The following BRMS1 variants were observed in gnomAD, a reference collection of about 807,000 sequenced individuals.
The protein encoded by BRMS1 is breast cancer metastasis-suppressor 1.
BRMS1 carries 26 observed loss-of-function variants against 40.4 expected under a neutral mutation model. The observed-to-expected ratio is 0.64, with a 90% CI of 0.47 to 0.89. The LOEUF is 0.89. BRMS1 is among the 40% of genes least tolerant of loss of function. BRMS1 has a pLI of 0.00. For synonymous variants in BRMS1, 103 were observed against 116.0 expected, an observed-to-expected ratio of 0.89 and a Z score of 0.72; for missense variants, 289 against 309.4, an observed-to-expected ratio of 0.93 and a Z score of 0.49.
intron 8 of BRMS1, 176 bp from the exon 9 acceptor site, chr11:66,338,458 C>A: frequency 6.6e-7 from 1 of 1,510,086 alleles, no homozygotes; most frequent in South Asian, 1.3e-5. Context: ...GCCAGCTCAG[C>A]GGCTCTCCCG....
rs769263266 is a variant in BRMS1 at position 66,341,490 on chromosome 11, C to A, written c.230+43G>T. On this transcript the variant is annotated intron_variant, in intron 3 of 9. Transcript: ENST00000359957. The surrounding 1 kb of genome is among the most constrained non-coding windows in gnomAD (Gnocchi z 4.9). ...AGTACCAGGCCCACCACCTCCTCAT[C>A]CCAGATCCTCGCAGACCCAGCCCAA... is the stretch of plus-strand genomic sequence containing the variant. 26 of 1,609,318 alleles carry A rather than the reference C, an allele frequency of 1.6e-5. No homozygotes were observed. Among genetic ancestry groups the A allele is most frequent in the Non-Finnish European group, 2.2e-5 (26 of 1,176,096 alleles).
At chr11:66,339,215 C>T (rs1205850446) in intron 7 of BRMS1, among the ~76,000 whole-genome samples, 1 of 152,206 alleles carries the variant, frequency 6.6e-6, no homozygotes, top group Non-Finnish European at 1.5e-5. Context: ...CAGATTCCTC[C>T]CTCCCTGCCT....
At chr11:66,340,308 A>C in intron 6 of BRMS1, 95 bp from the exon 7 acceptor site, 1 of 1,081,988 alleles carries the variant, frequency 9.2e-7, no homozygotes, top group South Asian at 1.4e-5. Context: ...GCCTGGCCTC[A>C]TCTCCCCTGT....
In BRMS1 at chr11:66,345,090, G is replaced by A. The variant is rs564051642; in HGVS notation, c.-126C>T. The A allele has an allele frequency of 1.3e-5, 2 of 152,398 alleles. No homozygotes were observed. The highest frequency in any genetic ancestry group is 4.1e-4 in the South Asian group (2 of 4,834). The allele number at this position is 152,398 out of a possible 1,614,324, so 9.4% of individuals were successfully genotyped here. On this transcript the variant is annotated 5_prime_UTR_variant, in exon 1 of 10. Coordinates refer to ENST00000359957, the MANE Select transcript of BRMS1 (RefSeq NM_015399.4). ...CGCTGCGCGGCTCCCTTTTCTTCGGGAGGCAGAGCCTATCGGTGCTTCCGT... is the reference window on the plus strand; with the variant it reads ...CGCTGCGCGGCTCCCTTTTCTTCGGAAGGCAGAGCCTATCGGTGCTTCCGT...
intron 7 of BRMS1, chr11:66,339,817 G>A (rs1245329509): frequency 7.0e-6 from 2 of 286,688 alleles, no homozygotes; most frequent in Non-Finnish European, 6.7e-6. Flanking sequence ...AGCTGGTCTC[G>A]AAAAGAACTC....
At position 66,341,338 on chromosome 11, in the gene BRMS1, G is replaced by A. The variant is rs773928682; in HGVS notation, c.231-5C>T. 1.9e-5 allele frequency: 30 copies of A among 1,611,140 alleles called. No individual in the cohort carries two copies. Among genetic ancestry groups the A allele is most frequent in the African/African-American group, 4.0e-5 (3 of 74,848 alleles). On this transcript the variant is annotated splice_polypyrimidine_tract_variant and splice_region_variant and intron_variant, in intron 3 of 9. Coordinates refer to ENST00000359957, the MANE Select transcript of BRMS1 (RefSeq NM_015399.4). The surrounding 1 kb of genome is among the most constrained non-coding windows in gnomAD (Gnocchi z 4.9). ...CTCAGTCGTTCCCTGAACAACCTGC[G>A]TGGTAAAAAGGCAGCCGTGCACCCA...
chr11:66,337,994 G>A, intron 9 of BRMS1, 105 bp from the exon 10 acceptor site: 1 of 1,346,826 alleles, frequency 7.4e-7, no homozygotes, highest in Non-Finnish European at 1.0e-6. Context: ...CAGGCCTCCT[G>A]GGCAGCTCCA....
rs532068589 is a variant in BRMS1 at position 66,341,718 on chromosome 11, T to C, written c.140-95A>G. 152 of 1,036,342 alleles carry C rather than the reference T, an allele frequency of 1.5e-4. No individual in the cohort carries two copies. Among genetic ancestry groups the C allele is most frequent in the Non-Finnish European group, 2.2e-4 (145 of 662,054 alleles). 64.2% of individuals were successfully genotyped at this position (1,036,342 alleles called of 1,614,324 possible). A position where few individuals can be genotyped will look rare whatever the true frequency, so the allele number is the denominator to read the frequency against. On this transcript the variant is annotated intron_variant, in intron 2 of 9. Transcript: ENST00000359957. The surrounding 1 kb of genome is among the most constrained non-coding windows in gnomAD (Gnocchi z 4.9). ...TCCTGCATGTGTGTGTGTGCATGCA[T>C]GCCTGTGTGTAGGGCCTGTGTGTGT...
In BRMS1 at chr11:66,340,173, C is replaced by A. The variant is rs752604361; in HGVS notation, c.576G>T (p.Arg192Ser). ...TGCTGGGCGGCAGGGAGTCCCAAGACCTGGAGCTGCCTCTGGCGTGCAGTT... is the reference window on the plus strand; with the variant it reads ...TGCTGGGCGGCAGGGAGTCCCAAGAACTGGAGCTGCCTCTGGCGTGCAGTT... ...DDKLHARGSS[R>S]SWDSLPPSKR... The change falls in exon 7 of 10, where the codon AGG becomes AGT. Residue 192 changes from arginine (R) to serine (S), a missense_variant. Transcript: ENST00000359957. 1 of 1,613,602 alleles carries A rather than the reference C, an allele frequency of 6.2e-7. No individual in the cohort carries two copies. The highest frequency in any genetic ancestry group is 8.5e-7 in the Non-Finnish European group (1 of 1,179,934).
intron 1 of BRMS1, among the ~76,000 whole-genome samples, chr11:66,343,646 A>G (rs1434368013): frequency 6.6e-6 from 1 of 152,176 alleles, no homozygotes; most frequent in Non-Finnish European, 1.5e-5. Flanking sequence ...CCCAGAAATA[A>G]GAGAAGGAAA....
intron 5 of BRMS1, 36 bp from the exon 6 acceptor site, chr11:66,340,906 G>T: frequency 6.2e-7 from 1 of 1,613,526 alleles, no homozygotes; most frequent in South Asian, 1.1e-5. Context: ...AGGACGGATG[G>T]GGTGAGGCCA....
In BRMS1 at chr11:66,341,990, G is replaced by A. The variant is rs1855094409; in HGVS notation, c.139+106C>T. 5 of 1,276,792 alleles carry A rather than the reference G, an allele frequency of 3.9e-6. No individual in the cohort carries two copies. The South Asian group carries it at 4.2e-5, about 11-fold the overall frequency. The allele number at this position is 1,276,792 out of a possible 1,614,324, so 79.1% of individuals were successfully genotyped here. A position where few individuals can be genotyped will look rare whatever the true frequency, so the allele number is the denominator to read the frequency against. ...GTGTATGTGCTTGTGTGTAGGCGCT[G>A]TATGTGCATGTGCGTGCATGCTTGT... On this transcript the variant is annotated intron_variant, in intron 2 of 9. Coordinates refer to ENST00000359957, the MANE Select transcript of BRMS1 (RefSeq NM_015399.4). This position sits in a 1 kb window ranked among gnomAD's most constrained non-coding sequence, Gnocchi z 4.9.
intron 1 of BRMS1, among the ~76,000 whole-genome samples, chr11:66,343,109 C>T (rs891508507): frequency 1.3e-5 from 2 of 152,218 alleles, no homozygotes; most frequent in Non-Finnish European, 2.9e-5. Context: ...TCACCCATTC[C>T]ACCTAACTGC....
rs146004933 is a variant in BRMS1 at position 66,338,526 on chromosome 11, A to C, written c.693+195T>G. 12,373 of 1,530,548 alleles carry C rather than the reference A, an allele frequency of 8.1e-3. 59 individuals are homozygous for C. Among genetic ancestry groups the C allele is most frequent in the Non-Finnish European group, 9.6e-3 (10,968 of 1,142,978 alleles). The allele number at this position is 1,530,548 out of a possible 1,614,324, so 94.8% of individuals were successfully genotyped here. On this transcript the variant is annotated intron_variant, in intron 8 of 9. Coordinates refer to ENST00000359957, the MANE Select transcript of BRMS1 (RefSeq NM_015399.4). ...TGCCCCAGAACGGGAAGGGGCTGAC[A>C]CAGACTAGAAATCCCTTTTCCCAGG...
chr11:66,338,593 G>A (rs746883910), intron 8 of BRMS1, 128 bp downstream of exon 8: 1 of 1,568,512 alleles, frequency 6.4e-7, no homozygotes, highest in Non-Finnish European at 8.6e-7. Context: ...CTGCGATCCA[G>A]GGACTCTGGG....
intron 1 of BRMS1, among the ~76,000 whole-genome samples, chr11:66,344,384 C>T (rs1436271341): frequency 6.6e-6 from 1 of 152,164 alleles, no homozygotes; most frequent in Middle Eastern, 3.2e-3. Context: ...TCACTAATGA[C>T]CTGCACCTGA....
At chr11:66,339,633 C>T (rs1855021785) in intron 7 of BRMS1, 1 of 153,992 alleles carries the variant, frequency 6.5e-6, no homozygotes, top group Non-Finnish European at 1.4e-5. Flanking sequence ...AAGGCCAAAC[C>T]TCACTCAGGC....
At chr11:66,338,694 G>C (rs748302460) in intron 8 of BRMS1, 27 bp downstream of exon 8, 56 of 1,612,694 alleles carry the variant, frequency 3.5e-5, no homozygotes, top group Non-Finnish European at 4.7e-5. Flanking sequence ...AGGTGGGGCA[G>C]GTCACGTGGG....
rs750265527 is a variant in BRMS1, at chr11:66,338,758, T to C, written c.656A>G (p.Glu219Gly). 6.3e-7 allele frequency: 1 copy of C among 1,583,746 alleles called. No homozygotes were observed. The highest frequency in any genetic ancestry group is 8.6e-7 in the Non-Finnish European group (1 of 1,163,764). Residue 219 changes from glutamate to glycine, a missense_variant, in exon 8 of 10, where the codon GAG becomes GGG. Coordinates refer to ENST00000359957, the MANE Select transcript of BRMS1 (RefSeq NM_015399.4). The part of the protein sequence containing the change: ...SGPYIVYMLQ[E>G]IDILEDWTAI... Reference sequence around the variant, plus strand: ...TGTCCAGTCCTCCAGGATGTCGATCTCTTGAAGCATGTACACGATGTATGG... The same window carrying C: ...TGTCCAGTCCTCCAGGATGTCGATCCCTTGAAGCATGTACACGATGTATGG...
Sources: allele counts gnomAD v4.1 joint callset (sites outside exome capture counted in the v4.1 genomes callset), GRCh38; gene constraint gnomAD v4.1.1; non-coding constraint Gnocchi (gnomAD v3.1); transcripts MANE v1.5; gene names NCBI Gene and HGNC (gene_info 2026-07-23, HGNC 2026-07-21).